The following ACTN1 variants were observed in gnomAD, a reference collection of about 807,000 sequenced individuals.
ACTN1 encodes actinin alpha 1, also known as alpha-actinin-1.
In ACTN1, 30 loss-of-function variants were observed where a neutral mutation model predicts 119.6. The ratio of observed to expected loss-of-function variants is 0.25; its 90% confidence interval spans 0.19 to 0.34. ACTN1 has a LOEUF of 0.34. Among genes scored for constraint, ACTN1 ranks in the 10% least tolerant of loss-of-function variants. The probability of loss-of-function intolerance (pLI) is 1.00; values close to 1 mark genes in which losing one functional copy is unlikely to be tolerated. For missense variants in ACTN1, 764 were observed against 1,223.4 expected (o/e 0.62, Z 5.60); for synonymous variants, 429 against 472.6 (o/e 0.91, Z 1.20).
chr14:68,959,146 G>T (rs2036446351), intron 1 of ACTN1, among the ~76,000 whole-genome samples: 1 of 152,186 alleles, frequency 6.6e-6, no homozygotes, highest in South Asian at 2.1e-4. Flanking sequence ...CTGCTCTCCA[G>T]CTCCTGTCAA....
chr14:68,899,060 ACAC>A (rs1367943253), intron 8 of ACTN1, among the ~76,000 whole-genome samples: 5 of 134,490 alleles, frequency 3.7e-5, no homozygotes, highest in African/African-American at 1.5e-4. Flanking sequence ...CACACCACAC[ACAC>A]CTCACACACC....
At chr14:68,875,171 T>A in intron 21 of ACTN1, 154 bp from the exon 22 acceptor site, 6 of 1,522,796 alleles carry the variant, frequency 3.9e-6, no homozygotes, top group Non-Finnish European at 5.3e-6. Flanking sequence ...GACGTAAATA[T>A]CCACACATGT....
In ACTN1 at chr14:68,909,903, C is replaced by G. The variant is rs2033898596; in HGVS notation, c.515+52G>C. 1.9e-6 allele frequency: 3 copies of G among 1,546,026 alleles called. No individual in the cohort carries two copies. Among genetic ancestry groups the G allele is most frequent in the Non-Finnish European group, 2.7e-6 (3 of 1,121,012 alleles). ...ACCCAGCCAAGGGGGTCTGGGAGCTCCCGGGGGAGGCAGCCTGGTTCTGTG... is the reference window on the plus strand; with the variant it reads ...ACCCAGCCAAGGGGGTCTGGGAGCTGCCGGGGGAGGCAGCCTGGTTCTGTG... On this transcript the variant is annotated intron_variant, in intron 5 of 21. Transcript: ENST00000394419. The surrounding 1 kb of genome is among the most constrained non-coding windows in gnomAD (Gnocchi z 4.1).
intron 2 of ACTN1, chr14:68,921,337 T>C: frequency 2.0e-6 from 1 of 503,862 alleles, no homozygotes; most frequent in Non-Finnish European, 3.3e-6. Flanking sequence ...CTCTTCTTTC[T>C]TCTGCTTCTC....
chr14:68,963,433 T>C (rs1275318516), intron 1 of ACTN1, among the ~76,000 whole-genome samples: 1 of 152,190 alleles, frequency 6.6e-6, no homozygotes, highest in African/African-American at 2.4e-5. Context: ...TCTCAATGCT[T>C]TTTCTTATGT....
intron 1 of ACTN1, among the ~76,000 whole-genome samples, chr14:68,945,182 G>T (rs1461939026): frequency 7.3e-6 from 1 of 137,476 alleles, no homozygotes; most frequent in Admixed American, 7.3e-5. Flanking sequence ...AAAAAAGAAA[G>T]AAAGAAAGAA....
rs940159315 is a variant in ACTN1, at chr14:68,877,186, C to G, written c.2482G>C (p.Val828Leu). 1.4e-5 allele frequency: 22 copies of G among 1,614,168 alleles called. No individual in the cohort carries two copies. Among genetic ancestry groups the G allele is most frequent in the Non-Finnish European group, 1.8e-5 (21 of 1,180,026 alleles). Residue 828 changes from valine (V) to leucine (L), a missense_variant, in exon 21 of 22, where the codon GTA becomes CTA. This residue lies in a region of ACTN1 where 544 missense variants were observed against 912.0 expected (regional missense o/e 0.60). Transcript: ENST00000394419. The part of the protein sequence containing the change: ...MSIVDPNRLG[V>L]VTFQAFIDFM... ...TCAATGAAGGCCTGGAATGTCACTA[C>G]CCCCAGGCGGTTGGGGTCCACAATG... is the stretch of plus-strand genomic sequence containing the variant.
In ACTN1 at chr14:68,979,269, G is replaced by T; in HGVS notation, c.-213C>A. 2 of 409,760 alleles carry T rather than the reference G, an allele frequency of 4.9e-6. No homozygotes were observed. The highest frequency in any genetic ancestry group is 4.1e-5 in the South Asian group (1 of 24,572). The allele number at this position is 409,760 out of a possible 1,614,324, so 25.4% of individuals were successfully genotyped here. On this transcript the variant is annotated 5_prime_UTR_variant, in exon 1 of 22. Coordinates refer to ENST00000394419, the MANE Select transcript of ACTN1 (RefSeq NM_001130004.2). Reference sequence around the variant, plus strand: ...CTGGGCTCGCGGACTGCCTGCCTCTGGGCGGGCGCTTGGACCTAATCTCCA... The same window carrying T: ...CTGGGCTCGCGGACTGCCTGCCTCTTGGCGGGCGCTTGGACCTAATCTCCA...
intron 8 of ACTN1, among the ~76,000 whole-genome samples, chr14:68,895,935 G>T (rs777058755): frequency 2.0e-5 from 3 of 152,094 alleles, no homozygotes; most frequent in African/African-American, 7.2e-5. Context: ...GCCTCCTGGG[G>T]ACTTTCCACA....
intron 1 of ACTN1, among the ~76,000 whole-genome samples, chr14:68,960,378 T>A (rs2036489673): frequency 2.0e-5 from 3 of 152,218 alleles, no homozygotes; most frequent in Admixed American, 6.5e-5. Context: ...CAATGACAAC[T>A]ATGTGAGGTG....
At chr14:68,901,175 G>T (rs1475150716) in intron 8 of ACTN1, among the ~76,000 whole-genome samples, 1 of 151,274 alleles carries the variant, frequency 6.6e-6, no homozygotes, top group Non-Finnish European at 1.5e-5. Context: ...GAGGGCAGGG[G>T]CTCCCATCAT....
At chr14:68,930,053 C>T (rs1450843234) in intron 1 of ACTN1, among the ~76,000 whole-genome samples, 4 of 152,330 alleles carry the variant, frequency 2.6e-5, no homozygotes, top group South Asian at 2.1e-4. Flanking sequence ...AACCTCTTTT[C>T]GTCACATCTT....
In ACTN1 at chr14:68,892,119, C is replaced by T. The variant is rs200777938; in HGVS notation, c.1020G>A (p.Thr340=). 19 of 1,613,984 alleles carry T rather than the reference C, an allele frequency of 1.2e-5. 1 individual carries two copies. Among genetic ancestry groups the T allele is most frequent in the Admixed American group, 1.2e-4 (7 of 59,998 alleles). ...EKCQLEINFN[T]LQTKLRLSNR... ...TGCTGAGCCGCAGCTTGGTCTGCAG[C>T]GTGTTGAAGTTGATCTCCAGCTGGC... is the stretch of plus-strand genomic sequence containing the variant. The change falls in exon 10 of 22, where the codon ACG becomes ACA. Residue 340 remains threonine (T), a synonymous_variant. Transcript: ENST00000394419.
In ACTN1 at chr14:68,885,434, T is replaced by C. The variant is rs2031915318; in HGVS notation, c.1376A>G (p.Gln459Arg). 3 of 1,610,638 alleles carry C rather than the reference T, an allele frequency of 1.9e-6. No homozygotes were observed. Among genetic ancestry groups the C allele is most frequent in the Non-Finnish European group, 2.5e-6 (3 of 1,177,790 alleles). The change falls in exon 12 of 22, where the codon CAG becomes CGG. Residue 459 changes from glutamine (Q) to arginine (R), a missense_variant. Physicochemically the swap from Gln to Arg is conservative, Grantham distance 43. Coordinates refer to ENST00000394419, the MANE Select transcript of ACTN1 (RefSeq NM_001130004.2). This position sits in a 1 kb window ranked among gnomAD's most constrained non-coding sequence, Gnocchi z 5.6. ...DRVEQIAAIAQELNELDYYDS... is the reference protein window; with the variant it reads ...DRVEQIAAIARELNELDYYDS... ...GTCTGGGGCCACCTACTTGAGCTCC[T>C]GTGCGATGGCGGCAATCTGCTCCAC...
chr14:68,964,136 G>C (rs1469982859), intron 1 of ACTN1, among the ~76,000 whole-genome samples: 1 of 152,180 alleles, frequency 6.6e-6, no homozygotes, highest in Non-Finnish European at 1.5e-5. Context: ...CTCCAGCACT[G>C]CCTCTCCTGG....
At chr14:68,938,181 CAG>C (rs1229779236) in intron 1 of ACTN1, among the ~76,000 whole-genome samples, 9 of 152,200 alleles carry the variant, frequency 5.9e-5, no homozygotes, top group African/African-American at 2.2e-4. Context: ...TGATGAAAAG[CAG>C]AGTCTTCGGG....
At chr14:68,929,917 G>C (rs1362892757) in intron 1 of ACTN1, among the ~76,000 whole-genome samples, 1 of 152,224 alleles carries the variant, frequency 6.6e-6, no homozygotes, top group Non-Finnish European at 1.5e-5. Context: ...TGCAAAGAGG[G>C]ACCTGGCCAG....
chr14:68,939,661 G>GT (rs2035698441), intron 1 of ACTN1, among the ~76,000 whole-genome samples: 1 of 152,114 alleles, frequency 6.6e-6, no homozygotes, highest in South Asian at 2.1e-4. Context: ...TAGCTAAGGG[G>GT]TACAGAATAT....
At chr14:68,910,121 C>T (rs570263898) in intron 4 of ACTN1, 79 bp from the exon 5 acceptor site, 4 of 1,215,344 alleles carry the variant, frequency 3.3e-6, no homozygotes, top group African/African-American at 3.0e-5. Context: ...GGAGGCCCCA[C>T]TGTGACCCTT....
Sources: allele counts gnomAD v4.1 joint callset (sites outside exome capture counted in the v4.1 genomes callset), GRCh38; gene constraint gnomAD v4.1.1; regional missense constraint gnomAD v4.1.1; non-coding constraint Gnocchi (gnomAD v3.1); transcripts MANE v1.5; gene names NCBI Gene and HGNC (gene_info 2026-07-23, HGNC 2026-07-21).